The following GRIK2 variants were observed in gnomAD, a reference collection of about 807,000 sequenced individuals.
GRIK2 encodes the protein glutamate receptor ionotropic, kainate 2.
Under a neutral mutation model 100.3 loss-of-function variants are expected in GRIK2, and 32 were observed. That is an observed-to-expected ratio of 0.32 (90% confidence interval 0.24 to 0.43). The LOEUF (loss-of-function observed/expected upper bound fraction) is 0.43. GRIK2 is among the 20% of genes least tolerant of loss of function. The probability of loss-of-function intolerance (pLI) is 1.00; values close to 1 mark genes in which losing one functional copy is unlikely to be tolerated. For missense variants in GRIK2, 843 were observed against 1,114.9 expected (o/e 0.76, Z 3.47); for synonymous variants, 417 against 389.4 (o/e 1.07, Z -0.83).
At chr6:101,408,708 T>A (rs1053161909) in intron 2 of GRIK2, among the ~76,000 whole-genome samples, 10 of 152,082 alleles carry the variant, frequency 6.6e-5, no homozygotes, top group Non-Finnish European at 1.2e-4. Flanking sequence ...CCCACCCACA[T>A]TACGGAGGGC....
intron 2 of GRIK2, among the ~76,000 whole-genome samples, chr6:101,561,856 G>C (rs987094314): frequency 1.3e-5 from 2 of 152,136 alleles, no homozygotes; most frequent in Non-Finnish European, 2.9e-5. Flanking sequence ...GTAGTTTCCA[G>C]CATGCCTGGG....
chr6:102,000,786 A>C (rs1040980603), intron 14 of GRIK2, among the ~76,000 whole-genome samples: 1 of 151,996 alleles, frequency 6.6e-6, no homozygotes, highest in Non-Finnish European at 1.5e-5. Flanking sequence ...TTTGTTTCTG[A>C]TCAATCTAGT....
At chr6:101,622,878 T>C (rs1780230096) in intron 3 of GRIK2, among the ~76,000 whole-genome samples, 1 of 152,002 alleles carries the variant, frequency 6.6e-6, no homozygotes, top group Non-Finnish European at 1.5e-5. Flanking sequence ...CAGCTGTCAG[T>C]AGTAAATGTG....
intron 2 of GRIK2, among the ~76,000 whole-genome samples, chr6:101,530,113 T>C (rs900413202): frequency 6.6e-6 from 1 of 152,050 alleles, no homozygotes; most frequent in African/African-American, 2.4e-5. Context: ...CAGTGGAATA[T>C]GTGGAAGTAA....
At chr6:101,631,411 A>G (rs752335174) in intron 4 of GRIK2, among the ~76,000 whole-genome samples, 1 of 152,128 alleles carries the variant, frequency 6.6e-6, no homozygotes, top group Non-Finnish European at 1.5e-5. Flanking sequence ...CAGTTTTGCT[A>G]CTAAATTACT....
At chr6:101,822,127 T>G (rs1238161698) in intron 10 of GRIK2, among the ~76,000 whole-genome samples, 1 of 151,848 alleles carries the variant, frequency 6.6e-6, no homozygotes, top group Non-Finnish European at 1.5e-5. Context: ...TACTAAGCAC[T>G]GTATTTAAAG....
intron 2 of GRIK2, among the ~76,000 whole-genome samples, chr6:101,488,376 C>T (rs1262359703): frequency 5.5e-5 from 8 of 146,454 alleles, no homozygotes; most frequent in African/African-American, 2.1e-4. Flanking sequence ...TTTTTAAAAC[C>T]TCTTTTGTTT....
intron 14 of GRIK2, among the ~76,000 whole-genome samples, chr6:101,961,609 A>G (rs1236030774): frequency 6.6e-6 from 1 of 151,966 alleles, no homozygotes; most frequent in African/African-American, 2.4e-5. Context: ...CCATGCCCAC[A>G]TTTCTCATGC....
In GRIK2 at chr6:101,976,823, T is replaced by C. The variant is rs1249074440; in HGVS notation, c.2085+48191T>C. On this transcript the variant is annotated intron_variant, in intron 14 of 16. Transcript: ENST00000369134. ...TCATTGTTTAAAAAAAAAAAACAAC[T>C]GTAGTGGGATAAACCAAATAGATAA... 2.7e-5 allele frequency among the ~76,000 whole-genome samples: 4 copies of C among 149,788 alleles called. No homozygotes were observed. In the East Asian group the frequency reaches 5.9e-4, roughly 22 times the overall value.
At chr6:101,721,950 G>T (rs1038855229) in intron 7 of GRIK2, among the ~76,000 whole-genome samples, 2 of 151,360 alleles carry the variant, frequency 1.3e-5, no homozygotes, top group African/African-American at 4.9e-5. Flanking sequence ...CTTTTTTTCC[G>T]ATTTATTTTT....
At chr6:101,402,661 AC>A (rs1351994606) in intron 2 of GRIK2, among the ~76,000 whole-genome samples, 1 of 152,034 alleles carries the variant, frequency 6.6e-6, no homozygotes, top group African/African-American at 2.4e-5. Flanking sequence ...CTGGGTGCCC[AC>A]CCGGCGGGCA....
chr6:101,618,900 G>T (rs1767621635), intron 2 of GRIK2, among the ~76,000 whole-genome samples: 1 of 149,768 alleles, frequency 6.7e-6, no homozygotes, highest in South Asian at 2.1e-4. Context: ...AAAATTTACT[G>T]TTCATTCGTG....
At chr6:101,682,727 A>G (rs1019715213) in intron 6 of GRIK2, 121 bp downstream of exon 6, 2 of 514,022 alleles carry the variant, frequency 3.9e-6, no homozygotes, top group African/African-American at 4.0e-5. Flanking sequence ...TTTTAATTTG[A>G]TAAGACTCCA....
chr6:102,004,380 A>G (rs1047853905), intron 14 of GRIK2, among the ~76,000 whole-genome samples: 3 of 149,330 alleles, frequency 2.0e-5, no homozygotes, highest in African/African-American at 7.4e-5. Context: ...TTTATACCTT[A>G]TAAAGCTTTT....
chr6:101,790,751 T>C (rs1779787767), intron 7 of GRIK2, among the ~76,000 whole-genome samples: 1 of 151,558 alleles, frequency 6.6e-6, no homozygotes, highest in Admixed American at 6.6e-5. Flanking sequence ...TCCCTCTTTT[T>C]CTATTGATTG....
chr6:101,795,765 T>C (rs1213183015), intron 7 of GRIK2, among the ~76,000 whole-genome samples: 1 of 152,162 alleles, frequency 6.6e-6, no homozygotes, highest in Admixed American at 6.5e-5. Flanking sequence ...GGTGGCATGC[T>C]TGGGTACTTG....
At chr6:101,835,734 G>GGATT (rs1783040458) in intron 10 of GRIK2, among the ~76,000 whole-genome samples, 1 of 146,850 alleles carries the variant, frequency 6.8e-6, no homozygotes, top group Admixed American at 6.9e-5. Context: ...CAAAGTGCTG[G>GGATT]GATTACAGCC....
chr6:101,670,907 G>C (rs565231014), intron 4 of GRIK2, among the ~76,000 whole-genome samples: 7 of 152,206 alleles, frequency 4.6e-5, no homozygotes, highest in African/African-American at 1.7e-4. Flanking sequence ...ATATATCAAA[G>C]CTGAGAGTAA....
chr6:101,958,023 A>G (rs1486724535), intron 14 of GRIK2, among the ~76,000 whole-genome samples: 2 of 152,006 alleles, frequency 1.3e-5, no homozygotes, highest in Non-Finnish European at 2.9e-5. Context: ...TTTTGGTTTC[A>G]TATTAATACT....
Sources: allele counts gnomAD v4.1 joint callset (sites outside exome capture counted in the v4.1 genomes callset), GRCh38; gene constraint gnomAD v4.1.1; transcripts MANE v1.5; gene names NCBI Gene and HGNC (gene_info 2026-07-23, HGNC 2026-07-21).